The following XKR4 variants were observed in gnomAD, a reference collection of about 807,000 sequenced individuals.
The protein encoded by XKR4 is XK related 4, also known as XK-related protein 4.
Under a neutral mutation model 53.9 loss-of-function variants are expected in XKR4, and 12 were observed. The ratio of observed to expected loss-of-function variants is 0.22; its 90% CI spans 0.14 to 0.36. XKR4 has a LOEUF of 0.36. XKR4 is among the 10% of genes least tolerant of loss of function. The probability of loss-of-function intolerance (pLI) is 1.00; values close to 1 mark genes in which losing one functional copy is unlikely to be tolerated. For synonymous variants in XKR4, 354 were observed against 362.4 expected (o/e 0.98, Z 0.26); for missense variants, 799 against 859.5 (o/e 0.93, Z 0.88).
chr8:55,121,945 G>T (rs189732300), intron 1 of XKR4, among the ~76,000 whole-genome samples: 1 of 152,136 alleles, frequency 6.6e-6, no homozygotes, highest in African/African-American at 2.4e-5. Flanking sequence ...CCTCTGCTCC[G>T]CTTGGGCTCT....
At chr8:55,288,758 C>T (rs1437531736) in intron 1 of XKR4, among the ~76,000 whole-genome samples, 1 of 152,124 alleles carries the variant, frequency 6.6e-6, no homozygotes, top group Non-Finnish European at 1.5e-5. Flanking sequence ...TCTTGCAAAA[C>T]TTGAGGACAA....
At chr8:55,123,099 T>A (rs916363930) in intron 1 of XKR4, among the ~76,000 whole-genome samples, 1 of 152,220 alleles carries the variant, frequency 6.6e-6, no homozygotes, top group East Asian at 1.9e-4. Flanking sequence ...CTCACACTGG[T>A]TAGTTTCTTT....
rs1419627050 is a variant in XKR4, at chr8:55,365,723, A to G, written c.1006+7846A>G. Among the ~76,000 whole-genome samples, 3 of 152,054 alleles carry G rather than the reference A, an allele frequency of 2.0e-5. No homozygotes were observed. The East Asian group carries it at 5.8e-4, about 29-fold the overall frequency. On this transcript the variant is annotated intron_variant, in intron 2 of 2. Coordinates refer to ENST00000327381, the MANE Select transcript of XKR4 (RefSeq NM_052898.2). ...ACTTCGTCTCAAAAAAAAAAAAAAA[A>G]AAAAGGGATTTAGATCGAGGAATGG... is the stretch of plus-strand genomic sequence containing the variant.
At chr8:55,211,901 A>G (rs1817736987) in intron 1 of XKR4, among the ~76,000 whole-genome samples, 1 of 152,208 alleles carries the variant, frequency 6.6e-6, no homozygotes, top group South Asian at 2.1e-4. Context: ...TGGTCAGGGT[A>G]CATCTTGGTT....
intron 1 of XKR4, among the ~76,000 whole-genome samples, chr8:55,281,747 C>T (rs946132019): frequency 2.6e-5 from 4 of 152,196 alleles, no homozygotes; most frequent in African/African-American, 9.7e-5. Context: ...TTGACATGTT[C>T]TGTCAAAAAA....
chr8:55,394,632 C>A (rs1318907864), intron 2 of XKR4, among the ~76,000 whole-genome samples: 1 of 152,174 alleles, frequency 6.6e-6, no homozygotes, highest in Non-Finnish European at 1.5e-5. Context: ...GCTTTCACAG[C>A]ATGCTCATAA....
intron 2 of XKR4, chr8:55,450,189 G>T (rs1324518704): frequency 7.5e-6 from 5 of 665,264 alleles, no homozygotes; most frequent in Non-Finnish European, 1.4e-5. Flanking sequence ...GGCAGCTGTG[G>T]TAGCAGGGCC....
intron 1 of XKR4, among the ~76,000 whole-genome samples, chr8:55,288,603 T>C (rs1818940357): frequency 6.6e-6 from 1 of 152,244 alleles, no homozygotes; most frequent in Non-Finnish European, 1.5e-5. Context: ...AAGCAAATAT[T>C]CATTGCTTTC....
intron 1 of XKR4, among the ~76,000 whole-genome samples, chr8:55,136,419 A>G (rs1816631252): frequency 1.3e-5 from 2 of 152,238 alleles, no homozygotes; most frequent in Admixed American, 6.5e-5. Context: ...AGCATTTTAA[A>G]CAAAGATCAT....
At chr8:55,420,584 A>G (rs142590102) in intron 2 of XKR4, among the ~76,000 whole-genome samples, 3,207 of 140,574 alleles carry the variant, frequency 0.023, 43 homozygotes, top group Middle Eastern at 0.034. Context: ...GAATTGAACA[A>G]TGAGAACACA....
chr8:55,295,028 A>G (rs1454703872), intron 1 of XKR4, among the ~76,000 whole-genome samples: 2 of 152,188 alleles, frequency 1.3e-5, no homozygotes, highest in African/African-American at 4.8e-5. Flanking sequence ...AATCAACAAG[A>G]CCAGTTGAGA....
At chr8:55,105,925 G>A (rs1253241391) in intron 1 of XKR4, among the ~76,000 whole-genome samples, 2 of 152,146 alleles carry the variant, frequency 1.3e-5, no homozygotes, top group African/African-American at 2.4e-5. Flanking sequence ...CTAATAAGCC[G>A]ACGAAGTGCA....
chr8:55,486,969 C>T (rs961609907), intron 2 of XKR4, among the ~76,000 whole-genome samples: 3 of 152,126 alleles, frequency 2.0e-5, no homozygotes, highest in Non-Finnish European at 4.4e-5. Flanking sequence ...CTCCAGAGAA[C>T]TAGAACCAAT....
intron 2 of XKR4, among the ~76,000 whole-genome samples, chr8:55,367,062 C>T (rs926099729): frequency 6.6e-6 from 1 of 152,198 alleles, no homozygotes; most frequent in African/African-American, 2.4e-5. Context: ...GAAAAGTACA[C>T]AGTTGTGAGA....
At chr8:55,235,489 G>C (rs1362607397) in intron 1 of XKR4, among the ~76,000 whole-genome samples, 1 of 152,132 alleles carries the variant, frequency 6.6e-6, no homozygotes, top group Non-Finnish European at 1.5e-5. Flanking sequence ...ACAGTATTTG[G>C]TATGTTGTAA....
intron 2 of XKR4, among the ~76,000 whole-genome samples, chr8:55,448,661 C>G (rs566000892): frequency 5.9e-5 from 9 of 152,244 alleles, no homozygotes; most frequent in Admixed American, 2.6e-4. Context: ...TGGTTTCCTG[C>G]CCACTATTTA....
At chr8:55,303,031 A>G (rs905987251) in intron 1 of XKR4, among the ~76,000 whole-genome samples, 6 of 152,150 alleles carry the variant, frequency 3.9e-5, no homozygotes, top group Non-Finnish European at 7.3e-5. Context: ...TTCCAACACT[A>G]TGTTGAATAG....
At chr8:55,377,773 T>C (rs1031314827) in intron 2 of XKR4, among the ~76,000 whole-genome samples, 1 of 152,236 alleles carries the variant, frequency 6.6e-6, no homozygotes, top group African/African-American at 2.4e-5. Flanking sequence ...CTATAGGCTG[T>C]GCCTGCGCCT....
rs543730742 is a variant in XKR4, at chr8:55,535,601, A to G, written c.*11374A>G. 1 of 152,328 alleles carries G rather than the reference A, an allele frequency of 6.6e-6. No homozygotes were observed. The highest frequency in any genetic ancestry group is 2.1e-4 in the South Asian group (1 of 4,828). The allele number at this position is 152,328 out of a possible 1,614,324, so 9.4% of individuals were successfully genotyped here. On this transcript the variant is annotated 3_prime_UTR_variant, in exon 3 of 3. Coordinates refer to ENST00000327381, the MANE Select transcript of XKR4 (RefSeq NM_052898.2). ...TCCTCTTAAGCAAGGTTCATGGGTA[A>G]GAGTTACTCTAGCAGGATTGGGTGT...
Sources: allele counts gnomAD v4.1 joint callset (sites outside exome capture counted in the v4.1 genomes callset), GRCh38; gene constraint gnomAD v4.1.1; transcripts MANE v1.5; gene names NCBI Gene and HGNC (gene_info 2026-07-23, HGNC 2026-07-21).